Variants in DDX24 observed in about 807,000 individuals in gnomAD.
DDX24 encodes the protein ATP-dependent RNA helicase DDX24.
DDX24 carries 24 observed loss-of-function variants against 68.9 expected under a neutral mutation model. The ratio of observed to expected loss-of-function variants is 0.35; its 90% CI spans 0.25 to 0.49. The LOEUF (loss-of-function observed/expected upper bound fraction) is 0.49. DDX24 is among the 20% of genes least tolerant of loss of function. The pLI, the probability that DDX24 is intolerant of heterozygous loss-of-function variation, is 0.99. For synonymous variants in DDX24, 395 were observed against 385.2 expected, an observed-to-expected ratio of 1.03 and a Z score of -0.30; for missense variants, 989 against 1,039.0, an observed-to-expected ratio of 0.95 and a Z score of 0.66.
chr14:94,067,681 C>T (rs1034330091), intron 2 of DDX24, among the ~76,000 whole-genome samples: 1 of 152,208 alleles, frequency 6.6e-6, no homozygotes, highest in Non-Finnish European at 1.5e-5. Flanking sequence ...GCCCTATCTT[C>T]AACCTCCTCA....
intron 2 of DDX24, among the ~76,000 whole-genome samples, chr14:94,071,667 C>T (rs913868809): frequency 2.0e-5 from 3 of 151,212 alleles, no homozygotes; most frequent in Admixed American, 6.6e-5. Context: ...GAAAAAAAGC[C>T]GGGCACAGTG....
Position 94,060,398 on chromosome 14 carries a change from A to G in DDX24, c.1613T>C (p.Leu538Pro). 1 of 1,614,136 alleles carries G rather than the reference A, an allele frequency of 6.2e-7. No individual in the cohort carries two copies. Among genetic ancestry groups the G allele is most frequent in the Non-Finnish European group, 8.5e-7 (1 of 1,180,034 alleles). ...GCCCCTCATGCCAATTTTCTGCATAAGGAGGTCAAGTTTGGCTGTTTTATC... is the reference window on the plus strand; with the variant it reads ...GCCCCTCATGCCAATTTTCTGCATAGGGAGGTCAAGTTTGGCTGTTTTATC... The part of the protein sequence containing the change: ...KMDKTAKLDL[L>P]MQKIGMRGKP... Residue 538 changes from leucine to proline, a missense_variant, in exon 5 of 9, where the codon CTT (leucine) becomes CCT (proline). By Grantham distance (98) the Leu-to-Pro change is moderately conservative. Around this residue, in one of 3 missense-constraint regions of DDX24, gnomAD observed 691 missense variants for 760.0 expected, o/e 0.91. Coordinates refer to ENST00000621632, the MANE Select transcript of DDX24 (RefSeq NM_020414.4).
In DDX24 at chr14:94,060,999, A is replaced by C. The variant is rs149188627; in HGVS notation, c.1311T>G (p.Arg437=). ...TQKQQRMLNR[R]PEIVVATPGR... ...CTGGAGTAGCAACCACAATCTCAGGACGACGGTTCAGCATCCTCTGCTGTT... is the reference window on the plus strand; with the variant it reads ...CTGGAGTAGCAACCACAATCTCAGGCCGACGGTTCAGCATCCTCTGCTGTT... The change falls in exon 4 of 9, where the codon CGT becomes CGG. Residue 437 remains arginine (R), a synonymous_variant. Transcript: ENST00000621632. 4 of 1,614,210 alleles carry C rather than the reference A, an allele frequency of 2.5e-6. No homozygotes were observed. The East Asian group carries it at 8.9e-5, about 36-fold the overall frequency.
rs1247415657 is a variant in DDX24 at position 94,049,762 on chromosome 14, G to C, written c.*1429C>G. The C allele has an allele frequency of 6.6e-6, 1 of 152,100 alleles. No homozygotes were observed. The highest frequency in any genetic ancestry group is 1.5e-5 in the Non-Finnish European group (1 of 68,080). The allele number at this position is 152,100 out of a possible 1,614,324, so 9.4% of individuals were successfully genotyped here. ...AAAAAAAATTCAGCCAGGTGTGGTG[G>C]TGTGTGCCTGTAGTCCCAGCTACTT... is the stretch of plus-strand genomic sequence containing the variant. On this transcript the variant is annotated 3_prime_UTR_variant, in exon 9 of 9. Transcript: ENST00000621632.
At chr14:94,077,130 C>A (rs1885959586) in intron 2 of DDX24, among the ~76,000 whole-genome samples, 1 of 152,184 alleles carries the variant, frequency 6.6e-6, no homozygotes, top group Admixed American at 6.5e-5. Context: ...ATCTGTAAGG[C>A]ATCCAGCCAA....
At chr14:94,076,950 G>C (rs981186339) in intron 2 of DDX24, among the ~76,000 whole-genome samples, 9 of 152,152 alleles carry the variant, frequency 5.9e-5, no homozygotes, top group Non-Finnish European at 1.3e-4. Flanking sequence ...TCAGCCTACT[G>C]AAAGTCAAGA....
intron 2 of DDX24, among the ~76,000 whole-genome samples, chr14:94,071,580 G>A (rs1885830222): frequency 6.6e-6 from 1 of 152,136 alleles, no homozygotes; most frequent in South Asian, 2.1e-4. Context: ...AACCTGGGAA[G>A]CGGAGGTTGC....
In DDX24 at chr14:94,075,025, G is replaced by A. The variant is rs75412537; in HGVS notation, c.718+4000C>T. 9.9e-3 allele frequency among the ~76,000 whole-genome samples: 1,501 copies of A among 152,232 alleles called. 35 individuals are homozygous for A. The highest frequency in any genetic ancestry group is 0.097 in the East Asian group (503 of 5,184). ...GAAAAGTTAAAGATCTAAAGAAATG[G>A]AGAGATACCATATTCATAGACTGGA... On this transcript the variant is annotated intron_variant, in intron 2 of 8. Coordinates refer to ENST00000621632, the MANE Select transcript of DDX24 (RefSeq NM_020414.4).
At chr14:94,055,893 T>A (rs943232245) in intron 6 of DDX24, 2 of 152,282 alleles carry the variant, frequency 1.3e-5, no homozygotes, top group Non-Finnish European at 2.9e-5. Context: ...CTTCCTTTAA[T>A]GCCTCTATAT....
At chr14:94,055,289 C>CTGGG in intron 6 of DDX24, 105 bp from the exon 7 acceptor site, 1 of 1,163,542 alleles carries the variant, frequency 8.6e-7, no homozygotes, top group Non-Finnish European at 1.2e-6. Flanking sequence ...CCCAGCCAGG[C>CTGGG]AGGTAGAAAC....
chr14:94,065,953 C>T (rs1439654748), intron 2 of DDX24, among the ~76,000 whole-genome samples: 6 of 152,206 alleles, frequency 3.9e-5, no homozygotes, highest in Non-Finnish European at 1.5e-5. Context: ...AGAAGGCATT[C>T]TCTAGCCAAA....
chr14:94,055,261 A>T, intron 6 of DDX24, 77 bp from the exon 7 acceptor site: 1 of 1,467,020 alleles, frequency 6.8e-7, no homozygotes, highest in East Asian at 2.3e-5. Context: ...CACATCCCCA[A>T]ACCAGACCCT....
At chr14:94,073,963 A>T (rs1199245125) in intron 2 of DDX24, among the ~76,000 whole-genome samples, 1 of 151,814 alleles carries the variant, frequency 6.6e-6, no homozygotes, top group Non-Finnish European at 1.5e-5. Context: ...GAATGGTGTG[A>T]ACCCAGGAGG....
chr14:94,067,497 T>A (rs1885728553), intron 2 of DDX24, among the ~76,000 whole-genome samples: 1 of 152,124 alleles, frequency 6.6e-6, no homozygotes, highest in African/African-American at 2.4e-5. Context: ...CCTGGGAAAT[T>A]CACTGCAAAA....
rs138366863 is a variant in DDX24, at chr14:94,062,390, G to T, written c.950C>A (p.Ala317Asp). The change falls in exon 3 of 9, where the codon GCC (alanine) becomes GAC (aspartate). Residue 317 changes from alanine (A) to aspartate (D), a missense_variant. Physicochemically the swap from Ala to Asp is moderately radical, Grantham distance 126. Around this residue, in one of 3 missense-constraint regions of DDX24, gnomAD observed 691 missense variants for 760.0 expected, o/e 0.91. Transcript: ENST00000621632. ...EALPSDIAAE[A>D]RAKTGGTVSD... Reference sequence around the variant, plus strand: ...GACAGTGCCTCCAGTCTTGGCTCTGGCCTCGGCTGCAATATCACTGGGCAG... The same window carrying T: ...GACAGTGCCTCCAGTCTTGGCTCTGTCCTCGGCTGCAATATCACTGGGCAG... 7.1e-4 allele frequency: 1,149 copies of T among 1,614,156 alleles called. 15 individuals carry two copies. The African/African-American group carries it at 0.014, about 19-fold the overall frequency.
At chr14:94,071,772 C>T (rs1435094845) in intron 2 of DDX24, among the ~76,000 whole-genome samples, 1 of 152,096 alleles carries the variant, frequency 6.6e-6, no homozygotes, top group Non-Finnish European at 1.5e-5. Flanking sequence ...ATGGAGAAAC[C>T]ACGTCTCTAC....
In DDX24 at chr14:94,049,218, A is replaced by C. The variant is rs892271639; in HGVS notation, c.*1973T>G. The C allele has an allele frequency of 1.3e-5, 2 of 152,248 alleles. No individual in the cohort carries two copies. Among genetic ancestry groups the C allele is most frequent in the Non-Finnish European group, 2.9e-5 (2 of 68,074 alleles). 9.4% of individuals were successfully genotyped at this position (152,248 alleles called of 1,614,324 possible). On this transcript the variant is annotated 3_prime_UTR_variant, in exon 9 of 9. Transcript: ENST00000621632. The stretch of plus-strand genomic sequence containing the variant: ...CTAGGGCAGGACACGGACAGTCATC[A>C]GGGGATCTATGTTTGGCTTATGGCA...
intron 2 of DDX24, among the ~76,000 whole-genome samples, chr14:94,077,628 G>C (rs986321497): frequency 6.6e-6 from 1 of 152,158 alleles, no homozygotes; most frequent in Non-Finnish European, 1.5e-5. Flanking sequence ...TCAACATAAA[G>C]CACTTAACAC....
intron 1 of DDX24, among the ~76,000 whole-genome samples, chr14:94,080,853 T>C (rs544939351): frequency 6.6e-6 from 1 of 152,124 alleles, no homozygotes; most frequent in Non-Finnish European, 1.5e-5. Flanking sequence ...CGCGCGGCCC[T>C]CTCGCTTTGT....
Sources: allele counts gnomAD v4.1 joint callset (sites outside exome capture counted in the v4.1 genomes callset), GRCh38; gene constraint gnomAD v4.1.1; regional missense constraint gnomAD v4.1.1; transcripts MANE v1.5; gene names NCBI Gene and HGNC (gene_info 2026-07-23, HGNC 2026-07-21).